DDAH1: variants seen among roughly 807,000 people sequenced by gnomAD.
DDAH1 encodes the protein dimethylarginine dimethylaminohydrolase 1.
A neutral mutation model predicts 28.8 loss-of-function variants in DDAH1; 19 were observed. The ratio of observed to expected loss-of-function variants is 0.66; its 90% CI spans 0.46 to 0.97. The LOEUF (loss-of-function observed/expected upper bound fraction) is 0.97. DDAH1 is among the 50% of genes least tolerant of loss of function. The pLI is 0.00. For missense variants in DDAH1, 326 were observed against 375.9 expected (o/e 0.87, Z 1.10); for synonymous variants, 153 against 154.4 (o/e 0.99, Z 0.07).
chr1:85,420,908 C>T (rs1272282424), intron 1 of DDAH1, among the ~76,000 whole-genome samples: 2 of 152,176 alleles, frequency 1.3e-5, no homozygotes, highest in African/African-American at 4.8e-5. Context: ...GTTTAATTGG[C>T]TCAGGGTTCT....
At chr1:85,413,547 G>C (rs1471336976) in intron 1 of DDAH1, among the ~76,000 whole-genome samples, 1 of 152,176 alleles carries the variant, frequency 6.6e-6, no homozygotes, top group East Asian at 1.9e-4. Flanking sequence ...TCAAATAAAT[G>C]GGTTTATTTA....
In DDAH1 at chr1:85,486,936, A is replaced by G. The variant is rs369649938; in HGVS notation, c.-7+9230T>C. On this transcript the variant is annotated intron_variant, in intron 2 of 6. Coordinates refer to the DDAH1 transcript ENST00000426972. ...TATCATATTTTGAATTTTGGATTTT[A>G]CCCTGAAACTAATAGAGAAGAATTC... 6.6e-5 allele frequency among the ~76,000 whole-genome samples: 10 copies of G among 152,292 alleles called. No homozygotes were observed. The East Asian group carries it at 9.6e-4, about 15-fold the overall frequency.
intron 1 of DDAH1, among the ~76,000 whole-genome samples, chr1:85,428,707 A>G (rs1382669808): frequency 3.9e-5 from 6 of 152,106 alleles, no homozygotes; most frequent in African/African-American, 1.4e-4. Flanking sequence ...ACTCCAGACA[A>G]CATAAATAGC....
intron 1 of DDAH1, among the ~76,000 whole-genome samples, chr1:85,530,901 G>A (rs1250372798): frequency 1.3e-5 from 2 of 148,706 alleles, no homozygotes; most frequent in African/African-American, 5.0e-5. Flanking sequence ...TGAGCCAGGA[G>A]AATCACTTGA....
chr1:85,326,107 T>C (rs964799243), intron 4 of DDAH1, among the ~76,000 whole-genome samples: 2 of 152,358 alleles, frequency 1.3e-5, no homozygotes, highest in East Asian at 1.9e-4. Context: ...ATGCTTCCTG[T>C]AGAAAATTCA....
intron 1 of DDAH1, among the ~76,000 whole-genome samples, chr1:85,441,064 A>G (rs532803951): frequency 7.1e-4 from 108 of 152,256 alleles, no homozygotes; most frequent in Non-Finnish European, 1.3e-3. Flanking sequence ...TGAAATTTTT[A>G]GAGCCTCACT....
chr1:85,326,660 A>G (rs1380080439), intron 4 of DDAH1, among the ~76,000 whole-genome samples: 1 of 152,248 alleles, frequency 6.6e-6, no homozygotes, highest in Non-Finnish European at 1.5e-5. Context: ...ATTCTCTGGC[A>G]GTACCATTAA....
intron 1 of DDAH1, among the ~76,000 whole-genome samples, chr1:85,363,145 C>T (rs1393911249): frequency 6.6e-6 from 1 of 152,164 alleles, no homozygotes; most frequent in Non-Finnish European, 1.5e-5. Context: ...CAGTAATGCC[C>T]CTTTTGAATG....
At chr1:85,447,999 G>C (rs1164291860) in intron 1 of DDAH1, 3 of 152,490 alleles carry the variant, frequency 2.0e-5, no homozygotes, top group Non-Finnish European at 4.4e-5. Flanking sequence ...TTGTAGTCAG[G>C]AGCCAGCATC....
intron 1 of DDAH1, among the ~76,000 whole-genome samples, chr1:85,443,839 G>A (rs1010940758): frequency 3.3e-5 from 5 of 152,136 alleles, no homozygotes; most frequent in Non-Finnish European, 7.3e-5. Context: ...GTATAAGAAT[G>A]CTTGTGATTT....
chr1:85,424,530 GAGAT>G (rs1257028826), intron 1 of DDAH1, among the ~76,000 whole-genome samples: 7 of 152,084 alleles, frequency 4.6e-5, no homozygotes, highest in Admixed American at 4.6e-4. Flanking sequence ...TGTAGATACA[GAGAT>G]AGTCTGGTGA....
chr1:85,465,671 T>C (rs1466018108), upstream of DDAH1, among the ~76,000 whole-genome samples: 1 of 152,234 alleles, frequency 6.6e-6, no homozygotes, highest in Non-Finnish European at 1.5e-5. Context: ...TTTCTTGTTT[T>C]GTGTGTGTTC....
At chr1:85,336,618 C>T (rs540486428) in intron 4 of DDAH1, among the ~76,000 whole-genome samples, 1 of 151,686 alleles carries the variant, frequency 6.6e-6, no homozygotes, top group Non-Finnish European at 1.5e-5. Flanking sequence ...TAATGTTGCA[C>T]CTCAAGGAAC....
chr1:85,436,916 C>T (rs1333627406), intron 1 of DDAH1, among the ~76,000 whole-genome samples: 1 of 152,152 alleles, frequency 6.6e-6, no homozygotes, highest in African/African-American at 2.4e-5. Context: ...TTCACAGGTG[C>T]CTCCATGGTT....
intron 4 of DDAH1, among the ~76,000 whole-genome samples, chr1:85,328,770 CACAA>C (rs1444034373): frequency 1.3e-5 from 2 of 152,192 alleles, no homozygotes; most frequent in African/African-American, 4.8e-5. Context: ...TCAACCTAGA[CACAA>C]ACAAAACAAA....
At chr1:85,431,948 A>G (rs931314654) in intron 1 of DDAH1, among the ~76,000 whole-genome samples, 1 of 152,228 alleles carries the variant, frequency 6.6e-6, no homozygotes, top group Non-Finnish European at 1.5e-5. Flanking sequence ...ATCTATGCTA[A>G]CATACCAAAT....
intron 1 of DDAH1, among the ~76,000 whole-genome samples, chr1:85,566,395 T>C (rs1659302183): frequency 6.7e-6 from 1 of 148,634 alleles, no homozygotes; most frequent in Admixed American, 6.7e-5. Context: ...AGGAGACTGA[T>C]GTGGGAGGAT....
chr1:85,555,601 C>T (rs1296016300), intron 1 of DDAH1, among the ~76,000 whole-genome samples: 1 of 152,180 alleles, frequency 6.6e-6, no homozygotes, highest in African/African-American at 2.4e-5. Context: ...AATTTCTTCA[C>T]TCGCAGCCAG....
upstream of DDAH1, among the ~76,000 whole-genome samples, chr1:85,465,769 C>A (rs1401881403): frequency 3.3e-5 from 5 of 152,118 alleles, no homozygotes; most frequent in Admixed American, 6.5e-5. Context: ...CCTCTACCCC[C>A]CACCCTAAAC....
Sources: allele counts gnomAD v4.1 joint callset (sites outside exome capture counted in the v4.1 genomes callset), GRCh38; gene constraint gnomAD v4.1.1; transcripts MANE v1.5; gene names NCBI Gene and HGNC (gene_info 2026-07-23, HGNC 2026-07-21).